The following IL4R variants were observed in gnomAD, a reference collection of about 807,000 sequenced individuals.
The protein encoded by IL4R is interleukin-4 receptor subunit alpha.
In IL4R, 17 loss-of-function variants were observed where a neutral mutation model predicts 41.5. That is an observed-to-expected ratio of 0.41 (90% CI 0.28 to 0.61). The LOEUF (loss-of-function observed/expected upper bound fraction) is 0.61, where lower values mean the gene tolerates loss of function less well. Among genes scored for constraint, IL4R ranks in the 20% least tolerant of loss-of-function variants. The pLI, the probability that IL4R is intolerant of heterozygous loss-of-function variation, is 0.31. For synonymous variants in IL4R, 402 were observed against 422.9 expected, an observed-to-expected ratio of 0.95 and a Z score of 0.61; for missense variants, 974 against 1,043.1, an observed-to-expected ratio of 0.93 and a Z score of 0.91.
chr16:27,351,460 G>A (rs1398849991), intron 6 of IL4R, among the ~76,000 whole-genome samples: 4 of 151,708 alleles, frequency 2.6e-5, no homozygotes, highest in Non-Finnish European at 5.9e-5. Flanking sequence ...GGATCATCGG[G>A]GCCATCTTAG....
chr16:27,355,102 C>T, intron 7 of IL4R: 1 of 429,210 alleles, frequency 2.3e-6, no homozygotes, highest in South Asian at 1.6e-5. Flanking sequence ...AGATAGAAAT[C>T]CCCACTCTTG....
At chr16:27,337,463 G>C (rs1304396391) in intron 2 of IL4R, among the ~76,000 whole-genome samples, 1 of 152,166 alleles carries the variant, frequency 6.6e-6, no homozygotes, top group African/African-American at 2.4e-5. Flanking sequence ...CCTGGGAGCT[G>C]CTTTTTTGAA....
chr16:27,323,265 G>T (rs62029990), intron 1 of IL4R, among the ~76,000 whole-genome samples: 9 of 152,236 alleles, frequency 5.9e-5, no homozygotes, highest in Non-Finnish European at 1.3e-4. Context: ...ACAAAGGCCA[G>T]ATTCTAAATT....
chr16:27,355,772 C>T (rs762201651), intron 7 of IL4R, 36 bp from the exon 8 acceptor site: 1 of 1,451,092 alleles, frequency 6.9e-7, no homozygotes, highest in Non-Finnish European at 9.7e-7. Context: ...TGTACCATGG[C>T]TGACCTCAGC....
chr16:27,363,606 T>G lies in IL4R; in HGVS notation c.2254T>G (p.Ser752Ala), dbSNP rs1805016. 0.065 allele frequency: 104,482 copies of G among 1,613,744 alleles called. 6,244 individuals are homozygous for G. Among genetic ancestry groups the G allele is most frequent in the African/African-American group, 0.32 (23,819 of 74,942 alleles). The change falls in exon 11 of 11, where the codon TCC (serine) becomes GCC (alanine). Residue 752 changes from serine (S) to alanine (A), a missense_variant. Physicochemically the swap from Ser to Ala is moderately conservative, Grantham distance 99. Coordinates refer to ENST00000395762, the MANE Select transcript of IL4R (RefSeq NM_000418.4). ...CTGTGGCTGCTGCTGTGGAGACAGG[T>G]CCTCGCCCCCTACAACCCCCCTGAG... ...PCCGCCCGDR[S>A]SPPTTPLRAP... is the part of the protein sequence containing the mutation.
chr16:27,332,781 T>A (rs2085149689), intron 2 of IL4R, among the ~76,000 whole-genome samples: 1 of 151,998 alleles, frequency 6.6e-6, no homozygotes, highest in South Asian at 2.1e-4. Flanking sequence ...TTTAGAACTT[T>A]CTTTCTAAGA....
intron 1 of IL4R, among the ~76,000 whole-genome samples, chr16:27,320,442 C>T (rs1596745426): frequency 6.6e-6 from 1 of 152,180 alleles, no homozygotes; most frequent in Non-Finnish European, 1.5e-5. Context: ...ACGCTCTGTG[C>T]TGGGTGCAGG....
Position 27,330,215 on chromosome 16 carries a change from C to T in IL4R, c.-19+17C>T. 1 of 151,466 alleles carries T rather than the reference C, an allele frequency of 6.6e-6. No homozygotes were observed. The highest frequency in any genetic ancestry group is 1.9e-4 in the East Asian group (1 of 5,188). The allele number at this position is 151,466 out of a possible 1,614,324, so 9.4% of individuals were successfully genotyped here. ...ACCAGCCTGGTCAGTATGATGAAAC[C>T]CCATCTCTACTAAAAATACAAAAAT... On this transcript the variant is annotated intron_variant, in intron 2 of 10. Transcript: ENST00000395762.
At chr16:27,342,060 TG>T in intron 3 of IL4R, 60 bp from the exon 4 acceptor site, 3 of 1,585,764 alleles carry the variant, frequency 1.9e-6, no homozygotes, top group Non-Finnish European at 2.6e-6. Flanking sequence ...CCTGTTTGGG[TG>T]CAAGTCCCCC....
chr16:27,364,163 C>A lies in IL4R; in HGVS notation c.*333C>A. ...GCTGCTCCCTCCACAGCTTCTGCAG[C>A]AGACTGTCCCTGTTGTAACTGCCCA... On this transcript the variant is annotated 3_prime_UTR_variant, in exon 11 of 11. Transcript: ENST00000395762. The A allele has an allele frequency of 3.6e-6, 1 of 276,878 alleles. No individual in the cohort carries two copies. Among genetic ancestry groups the A allele is most frequent in the Non-Finnish European group, 6.8e-6 (1 of 146,224 alleles). The allele number at this position is 276,878 out of a possible 1,614,324, so 17.2% of individuals were successfully genotyped here. A position where few individuals can be genotyped will look rare whatever the true frequency, so the allele number is the denominator to read the frequency against.
At chr16:27,333,989 TCTC>T (rs2085184762) in intron 2 of IL4R, among the ~76,000 whole-genome samples, 1 of 151,906 alleles carries the variant, frequency 6.6e-6, no homozygotes, top group South Asian at 2.1e-4. Flanking sequence ...TTCAAGCCAT[TCTC>T]CTGCCTCAGC....
intron 1 of IL4R, among the ~76,000 whole-genome samples, chr16:27,317,791 A>C (rs1177254715): frequency 6.6e-6 from 1 of 152,230 alleles, no homozygotes; most frequent in African/African-American, 2.4e-5. Flanking sequence ...TTGTTTTGTC[A>C]TGGGTGTTTG....
intron 1 of IL4R, among the ~76,000 whole-genome samples, chr16:27,326,874 G>C (rs2084969362): frequency 6.6e-6 from 1 of 152,116 alleles, no homozygotes; most frequent in African/African-American, 2.4e-5. Flanking sequence ...GGCCATTCTG[G>C]GGCCCTGGCC....
chr16:27,331,982 A>T (rs1458396383), intron 2 of IL4R, among the ~76,000 whole-genome samples: 1 of 151,384 alleles, frequency 6.6e-6, no homozygotes, highest in Non-Finnish European at 1.5e-5. Flanking sequence ...TAAAAATTTT[A>T]TTTTTTATTT....
rs2086316593 is a variant in IL4R, at chr16:27,362,144, T to C, written c.900-108T>C. The C allele has an allele frequency of 3.9e-6, 4 of 1,032,872 alleles. No homozygotes were observed. The South Asian group carries it at 6.0e-5, about 15-fold the overall frequency. The allele number at this position is 1,032,872 out of a possible 1,614,324, so 64.0% of individuals were successfully genotyped here. A position where few individuals can be genotyped will look rare whatever the true frequency, so the allele number is the denominator to read the frequency against. ...TGATTATAACGTTAGAAGGCATGTC[T>C]GAAGTAGACAGCCATCAGGACATGG... On this transcript the variant is annotated intron_variant, in intron 10 of 10. Transcript: ENST00000395762.
In IL4R at chr16:27,340,195, C is replaced by A. The variant is rs539527236; in HGVS notation, c.-9C>A. 48 of 1,612,532 alleles carry A rather than the reference C, an allele frequency of 3.0e-5. No homozygotes were observed. The East Asian group carries it at 1.0e-3, about 35-fold the overall frequency. ...TCCTCTCTCTCTGCAGGTGCCTTGG[C>A]ATCTCCCAATGGGGTGGCTTTGCTC... is the stretch of plus-strand genomic sequence containing the variant. On this transcript the variant is annotated 5_prime_UTR_variant, in exon 3 of 11. Transcript: ENST00000395762.
At chr16:27,336,342 T>G (rs1432379705) in intron 2 of IL4R, among the ~76,000 whole-genome samples, 1 of 152,014 alleles carries the variant, frequency 6.6e-6, no homozygotes, top group East Asian at 1.9e-4. Context: ...CCCATTGATT[T>G]TGCACCATCA....
rs2086442142 is a variant in IL4R at position 27,364,762 on chromosome 16, GTTTC to G, written c.*936_*939del. ...AGGGGTGGAGTTTTGTATAAATAAA[GTTTC>G]TTTGTCTCTTTATTTTTTATGTATT... On this transcript the variant is annotated 3_prime_UTR_variant, in exon 11 of 11. Transcript: ENST00000395762. The G allele has an allele frequency of 6.6e-6, 1 of 152,140 alleles. No homozygotes were observed. Among genetic ancestry groups the G allele is most frequent in the Non-Finnish European group, 1.5e-5 (1 of 68,024 alleles). 9.4% of individuals were successfully genotyped at this position (152,140 alleles called of 1,614,324 possible). A position where few individuals can be genotyped will look rare whatever the true frequency, so the allele number is the denominator to read the frequency against.
intron 10 of IL4R, among the ~76,000 whole-genome samples, chr16:27,361,199 T>C (rs1365750414): frequency 1.3e-5 from 2 of 152,066 alleles, no homozygotes; most frequent in African/African-American, 4.8e-5. Flanking sequence ...TGTGCAGTGG[T>C]GCGATCATAG....
Sources: allele counts gnomAD v4.1 joint callset (sites outside exome capture counted in the v4.1 genomes callset), GRCh38; gene constraint gnomAD v4.1.1; transcripts MANE v1.5; gene names NCBI Gene and HGNC (gene_info 2026-07-23, HGNC 2026-07-21).